GABRA2: variants seen among roughly 807,000 people sequenced by gnomAD.
GABRA2 encodes the protein gamma-aminobutyric acid type A receptor subunit alpha2, also known as gamma-aminobutyric acid receptor subunit alpha-2.
GABRA2 carries 16 observed loss-of-function variants against 48.7 expected under a neutral mutation model. The ratio of observed to expected loss-of-function variants is 0.33; its 90% confidence interval spans 0.22 to 0.50. The LOEUF is 0.50. Ranked by LOEUF, GABRA2 falls within the 20% of genes least tolerant of loss-of-function variation. The probability of loss-of-function intolerance (pLI) is 0.98; values close to 1 mark genes in which losing one functional copy is unlikely to be tolerated. For missense variants in GABRA2, 275 were observed against 535.6 expected (o/e 0.51, Z 4.80); for synonymous variants, 185 against 184.5 (o/e 1.00, Z -0.02).
At chr4:46,353,909 C>T (rs1268159245) in intron 3 of GABRA2, among the ~76,000 whole-genome samples, 1 of 152,076 alleles carries the variant, frequency 6.6e-6, no homozygotes, top group African/African-American at 2.4e-5. Context: ...ACTCCATTCA[C>T]TAAGATGTAA....
intron 3 of GABRA2, among the ~76,000 whole-genome samples, chr4:46,336,807 A>C (rs1398931013): frequency 6.6e-6 from 1 of 152,144 alleles, no homozygotes; most frequent in African/African-American, 2.4e-5. Context: ...ACAAAATCTT[A>C]AGATATGATG....
In GABRA2 at chr4:46,389,888, G is replaced by C. The variant is rs1718026731; in HGVS notation, c.-164C>G. The C allele has an allele frequency of 1.0e-6, 1 of 983,654 alleles. No homozygotes were observed. The highest frequency in any genetic ancestry group is 1.2e-6 in the Non-Finnish European group (1 of 830,338). 60.9% of individuals were successfully genotyped at this position (983,654 alleles called of 1,614,324 possible). A position where few individuals can be genotyped will look rare whatever the true frequency, so the allele number is the denominator to read the frequency against. ...CCGAGACTGCAGCAGCCAAGAGAGC[G>C]TGGAGCGATGGGCTGGTGGAAGCCG... On this transcript the variant is annotated 5_prime_UTR_variant, in exon 1 of 10. Transcript: ENST00000381620.
In GABRA2 at chr4:46,249,981, G is replaced by C; in HGVS notation, c.*327C>G. The stretch of plus-strand genomic sequence containing the variant: ...CCTACTTAAGAGCTAAACCAAAAGG[G>C]TCCACAAAGGGTTGTACAGGATCCC... On this transcript the variant is annotated 3_prime_UTR_variant, in exon 10 of 10. Transcript: ENST00000381620. The C allele has an allele frequency of 4.7e-6, 1 of 211,518 alleles. No individual in the cohort carries two copies. The highest frequency in any genetic ancestry group is 9.5e-6 in the Non-Finnish European group (1 of 105,732). 13.1% of individuals were successfully genotyped at this position (211,518 alleles called of 1,614,324 possible).
At chr4:46,302,798 TG>T (rs1410906844) in intron 8 of GABRA2, 2 of 152,272 alleles carry the variant, frequency 1.3e-5, no homozygotes, top group African/African-American at 2.4e-5. Flanking sequence ...GTAAATATGA[TG>T]GGCTACTGCA....
chr4:46,277,438 C>A (rs956789129), intron 8 of GABRA2, among the ~76,000 whole-genome samples: 27 of 152,292 alleles, frequency 1.8e-4, no homozygotes, highest in African/African-American at 6.5e-4. Context: ...GAATGAGTTT[C>A]TGCCCTGTAC....
Position 46,304,923 on chromosome 4 carries a change from C to CAA in GABRA2, c.703+643_703+644dup, listed in dbSNP as rs34292975. 5.9e-3 allele frequency among the ~76,000 whole-genome samples: 475 copies of CAA among 80,608 alleles called. 23 individuals carry two copies. Among genetic ancestry groups the CAA allele is most frequent in the Middle Eastern group, 8.5e-3 (1 of 118 alleles). 52.9% of individuals were successfully genotyped at this position (80,608 alleles called of 152,430 possible). On this transcript the variant is annotated intron_variant, in intron 7 of 9. Coordinates refer to ENST00000381620, the MANE Select transcript of GABRA2 (RefSeq NM_000807.4). ...CTGGTGACAGAGCAAGACTCTGTCT[C>CAA]AAAAAAAAAAAAAAAAAAAATCATT...
At chr4:46,264,782 G>A (rs935021064) in intron 8 of GABRA2, among the ~76,000 whole-genome samples, 1 of 151,490 alleles carries the variant, frequency 6.6e-6, no homozygotes, top group African/African-American at 2.4e-5. Flanking sequence ...TGTATGTTTG[G>A]TGGAACTCAC....
At position 46,244,069 on chromosome 4, in the gene GABRA2, T is replaced by C. The variant is rs971873411; in HGVS notation, c.*6239A>G. 6.6e-6 allele frequency: 1 copy of C among 151,478 alleles called. No individual in the cohort carries two copies. Among genetic ancestry groups the C allele is most frequent in the Non-Finnish European group, 1.5e-5 (1 of 67,644 alleles). The allele number at this position is 151,478 out of a possible 1,614,324, so 9.4% of individuals were successfully genotyped here. On this transcript the variant is annotated 3_prime_UTR_variant, in exon 10 of 10. Transcript: ENST00000381620. ...GAAGACCAACAATTTTAAAATCAAG[T>C]GTAGTGCAGGCACCCAAGATTAACA...
At chr4:46,273,277 T>G in intron 8 of GABRA2, among the ~76,000 whole-genome samples, 1 of 151,688 alleles carries the variant, frequency 6.6e-6, no homozygotes, top group Non-Finnish European at 1.5e-5. Flanking sequence ...CTTAGTGTTC[T>G]CTGAGATTTC....
At chr4:46,344,398 G>T (rs893467120) in intron 3 of GABRA2, among the ~76,000 whole-genome samples, 2 of 151,874 alleles carry the variant, frequency 1.3e-5, no homozygotes. Flanking sequence ...GTGTGCAGAA[G>T]CCAGCTTGGT....
intron 3 of GABRA2, among the ~76,000 whole-genome samples, chr4:46,341,064 A>G (rs187476223): frequency 3.3e-5 from 5 of 151,822 alleles, no homozygotes; most frequent in Admixed American, 3.3e-4. Flanking sequence ...CTGGGTTTCT[A>G]TGAGATCCTT....
chr4:46,297,745 T>C (rs938827625), intron 8 of GABRA2, among the ~76,000 whole-genome samples: 5 of 151,806 alleles, frequency 3.3e-5, no homozygotes, highest in African/African-American at 7.3e-5. Context: ...TACATTTCAT[T>C]TACCTCTGCT....
At chr4:46,292,755 G>C (rs905192427) in intron 8 of GABRA2, among the ~76,000 whole-genome samples, 5 of 152,184 alleles carry the variant, frequency 3.3e-5, no homozygotes, top group African/African-American at 1.2e-4. Context: ...GATTGGGATG[G>C]TGGAGTGGAT....
At chr4:46,380,487 A>G (rs912424451) in intron 3 of GABRA2, among the ~76,000 whole-genome samples, 5 of 152,216 alleles carry the variant, frequency 3.3e-5, no homozygotes, top group Admixed American at 2.6e-4. Flanking sequence ...AGAACCAACA[A>G]TAACGATAAT....
intron 4 of GABRA2, among the ~76,000 whole-genome samples, chr4:46,326,715 G>C (rs1730445237): frequency 2.0e-5 from 3 of 151,636 alleles, no homozygotes; most frequent in Non-Finnish European, 4.4e-5. Flanking sequence ...TATGCCTATG[G>C]TTTCAACCAC....
At chr4:46,260,435 G>T (rs1716724393) in intron 9 of GABRA2, among the ~76,000 whole-genome samples, 1 of 151,716 alleles carries the variant, frequency 6.6e-6, no homozygotes, top group South Asian at 2.1e-4. Context: ...ACATTTAGAG[G>T]TACTTCTGTT....
At chr4:46,308,486 A>G (rs1167687979) in intron 6 of GABRA2, among the ~76,000 whole-genome samples, 2 of 152,178 alleles carry the variant, frequency 1.3e-5, no homozygotes, top group East Asian at 3.9e-4. Context: ...ATTGTCAGCT[A>G]TGGCTTGGCT....
At chr4:46,319,187 G>T (rs537141251) in intron 4 of GABRA2, among the ~76,000 whole-genome samples, 1 of 151,630 alleles carries the variant, frequency 6.6e-6, no homozygotes, top group Admixed American at 6.6e-5. Context: ...CTTAATGAAG[G>T]CATCATATTC....
chr4:46,354,905 T>G (rs1278432242), intron 3 of GABRA2, among the ~76,000 whole-genome samples: 2 of 151,924 alleles, frequency 1.3e-5, no homozygotes, highest in Admixed American at 1.3e-4. Context: ...TTTTGCCCCA[T>G]CTGTGTCATG....
Sources: allele counts gnomAD v4.1 joint callset (sites outside exome capture counted in the v4.1 genomes callset), GRCh38; gene constraint gnomAD v4.1.1; transcripts MANE v1.5; gene names NCBI Gene and HGNC (gene_info 2026-07-23, HGNC 2026-07-21).